RBFOX2: variants seen among roughly 807,000 people sequenced by gnomAD.
RBFOX2 encodes RNA binding protein fox-1 homolog 2.
RBFOX2 carries 10 observed loss-of-function variants against 49.1 expected under a neutral mutation model. That is an observed-to-expected ratio of 0.20 (90% CI 0.13 to 0.35). RBFOX2 has a LOEUF of 0.35. Among genes scored for constraint, RBFOX2 ranks in the 10% least tolerant of loss-of-function variants. RBFOX2 has a pLI of 1.00. For missense variants in RBFOX2, 323 were observed against 486.9 expected, an observed-to-expected ratio of 0.66 and a Z score of 3.17; for synonymous variants, 183 against 187.4, an observed-to-expected ratio of 0.98 and a Z score of 0.19.
chr22:35,906,898 A>G (rs1242665339), intron 1 of RBFOX2, among the ~76,000 whole-genome samples: 1 of 152,218 alleles, frequency 6.6e-6, no homozygotes, highest in African/African-American at 2.4e-5. Flanking sequence ...TCAATTTTGG[A>G]AAAAAACTCA....
intron 1 of RBFOX2, among the ~76,000 whole-genome samples, chr22:35,881,077 A>G (rs1485549315): frequency 6.6e-6 from 1 of 150,538 alleles, no homozygotes; most frequent in Non-Finnish European, 1.5e-5. Context: ...ATCCTGGCTA[A>G]CATGGTGAAA....
At chr22:35,888,463 T>C (rs911174504) in intron 1 of RBFOX2, among the ~76,000 whole-genome samples, 9 of 152,220 alleles carry the variant, frequency 5.9e-5, no homozygotes, top group African/African-American at 2.2e-4. Context: ...CCCATTGCTC[T>C]AGGCTATTGT....
intron 1 of RBFOX2, among the ~76,000 whole-genome samples, chr22:35,863,599 G>A (rs1030668170): frequency 1.3e-5 from 2 of 152,044 alleles, no homozygotes; most frequent in East Asian, 3.9e-4. Context: ...GATAGAGACA[G>A]GGCTCTAAGA....
chr22:35,858,078 T>C (rs1490846852), intron 1 of RBFOX2, among the ~76,000 whole-genome samples: 1 of 152,184 alleles, frequency 6.6e-6, no homozygotes, highest in Non-Finnish European at 1.5e-5. Context: ...AGCACTGTTT[T>C]AGTAATATGA....
intron 2 of RBFOX2, among the ~76,000 whole-genome samples, chr22:35,783,265 A>G (rs936327707): frequency 1.3e-5 from 2 of 152,196 alleles, no homozygotes; most frequent in African/African-American, 4.8e-5. Context: ...CACCCCATTA[A>G]GCCAGTCGGA....
At chr22:35,845,562 A>G (rs906966626), upstream of RBFOX2, among the ~76,000 whole-genome samples, 1 of 152,226 alleles carries the variant, frequency 6.6e-6, no homozygotes, top group Non-Finnish European at 1.5e-5. Flanking sequence ...AAATCAAAAA[A>G]TTTAATTCAC....
chr22:35,874,546 G>A (rs2044769965), intron 1 of RBFOX2, among the ~76,000 whole-genome samples: 1 of 152,124 alleles, frequency 6.6e-6, no homozygotes, highest in Non-Finnish European at 1.5e-5. Context: ...AATATCTTAG[G>A]GAGGGAAGAA....
chr22:35,968,036 CT>C (rs2056664150), intron 1 of RBFOX2, among the ~76,000 whole-genome samples: 1 of 152,106 alleles, frequency 6.6e-6, no homozygotes, highest in Admixed American at 6.5e-5. Context: ...CAACCCGAAA[CT>C]TTTTCTTAAG....
chr22:35,942,518 T>C (rs2053803726), upstream of RBFOX2, among the ~76,000 whole-genome samples: 1 of 152,100 alleles, frequency 6.6e-6, no homozygotes, highest in Non-Finnish European at 1.5e-5. Flanking sequence ...AATAGTGTTA[T>C]CAATTATTGC....
At chr22:35,918,275 T>C (rs568048264) in intron 1 of RBFOX2, among the ~76,000 whole-genome samples, 1 of 152,202 alleles carries the variant, frequency 6.6e-6, no homozygotes, top group Admixed American at 6.5e-5. Context: ...TCCTGAGCCA[T>C]ACCACTCATT....
intron 1 of RBFOX2, among the ~76,000 whole-genome samples, chr22:35,899,356 A>T (rs1662190506): frequency 6.6e-6 from 1 of 152,048 alleles, no homozygotes; most frequent in Admixed American, 6.5e-5. Context: ...TTGGAACCAC[A>T]GGAAGGGCTT....
At chr22:35,831,455 A>T (rs1416269535) in intron 1 of RBFOX2, among the ~76,000 whole-genome samples, 3 of 151,968 alleles carry the variant, frequency 2.0e-5, no homozygotes, top group Non-Finnish European at 2.9e-5. Context: ...ATAATAAATT[A>T]AAAATAAAGT....
At chr22:35,844,846 G>A (rs1428415288), upstream of RBFOX2, among the ~76,000 whole-genome samples, 2 of 151,994 alleles carry the variant, frequency 1.3e-5, no homozygotes, top group Non-Finnish European at 2.9e-5. Flanking sequence ...GAAATCTGAA[G>A]CTGAAAGGAA....
At position 35,745,947 on chromosome 22, in the gene RBFOX2, G is replaced by A. The variant is rs367628350; in HGVS notation, c.1025C>T (p.Pro342Leu). 5.8e-5 allele frequency: 94 copies of A among 1,613,868 alleles called. No individual in the cohort carries two copies. The highest frequency in any genetic ancestry group is 7.6e-5 in the Non-Finnish European group (90 of 1,179,864). The change falls in exon 11 of 12, where the codon CCG becomes CTG. Residue 342 changes from proline to leucine, a missense_variant. Pro to Leu is a moderately conservative substitution (Grantham distance 98). Transcript: ENST00000405409. The stretch of plus-strand genomic sequence containing the variant: ...CCACAGCGCCAACTCCATAGCTAGC[G>A]GCAGGGGCAAGGGCATGGTAGGGGT...
At chr22:35,998,306 C>G (rs1015002100) in intron 1 of RBFOX2, 3 of 152,174 alleles carry the variant, frequency 2.0e-5, no homozygotes, top group African/African-American at 7.2e-5. Flanking sequence ...AAAGCCCTTA[C>G]AGACCATCTC....
chr22:35,900,613 G>A (rs796755447), intron 1 of RBFOX2, among the ~76,000 whole-genome samples: 95 of 146,840 alleles, frequency 6.5e-4, no homozygotes, highest in African/African-American at 2.2e-3. Context: ...AAAAAAAGTC[G>A]AAAGAATGAG....
chr22:36,022,771 A>G (rs1001473951), intron 1 of RBFOX2, among the ~76,000 whole-genome samples: 6 of 152,138 alleles, frequency 3.9e-5, no homozygotes, highest in Non-Finnish European at 8.8e-5. Flanking sequence ...CCTTATAAGA[A>G]GAGGAAGAGA....
chr22:35,788,007 A>G (rs1946772884), intron 2 of RBFOX2, among the ~76,000 whole-genome samples: 1 of 152,196 alleles, frequency 6.6e-6, no homozygotes, highest in African/African-American at 2.4e-5. Flanking sequence ...AGCCATCAAC[A>G]CTGCACAGGA....
chr22:35,895,639 G>A (rs2047751405), intron 1 of RBFOX2, among the ~76,000 whole-genome samples: 1 of 152,156 alleles, frequency 6.6e-6, no homozygotes, highest in Admixed American at 6.5e-5. Context: ...AAGGAGTCAA[G>A]TGGATCATGA....
Sources: allele counts gnomAD v4.1 joint callset (sites outside exome capture counted in the v4.1 genomes callset), GRCh38; gene constraint gnomAD v4.1.1; transcripts MANE v1.5; gene names NCBI Gene and HGNC (gene_info 2026-07-23, HGNC 2026-07-21).